The following HS3ST5 variants were observed in gnomAD, a reference collection of about 807,000 sequenced individuals.
HS3ST5 encodes heparan sulfate glucosamine 3-O-sulfotransferase 5.
HS3ST5 carries 10 observed loss-of-function variants against 25.4 expected under a neutral mutation model. That is an observed-to-expected ratio of 0.39 (90% CI 0.24 to 0.67). The LOEUF is 0.67. Ranked by LOEUF, HS3ST5 falls within the 30% of genes least tolerant of loss-of-function variation. HS3ST5 has a pLI of 0.44. For missense variants in HS3ST5, 324 were observed against 420.7 expected, an observed-to-expected ratio of 0.77 and a Z score of 2.01; for synonymous variants, 170 against 162.4, an observed-to-expected ratio of 1.05 and a Z score of -0.36.
chr6:114,132,092 T>A (rs923843733), intron 3 of HS3ST5: 1 of 152,158 alleles, frequency 6.6e-6, no homozygotes, highest in Non-Finnish European at 1.5e-5. Flanking sequence ...TATATCATAG[T>A]TGAGAGGTTC....
At chr6:114,144,949 G>C (rs1045854974) in intron 3 of HS3ST5, among the ~76,000 whole-genome samples, 1 of 152,120 alleles carries the variant, frequency 6.6e-6, no homozygotes, top group East Asian at 1.9e-4. Context: ...GGGAGCCTTG[G>C]CCGGGTAGTG....
chr6:114,110,801 G>A (rs1776228518), intron 3 of HS3ST5, among the ~76,000 whole-genome samples: 1 of 152,128 alleles, frequency 6.6e-6, no homozygotes, highest in South Asian at 2.1e-4. Flanking sequence ...ACTTGTTTTT[G>A]CATATTCTAT....
chr6:114,261,335 T>C (rs1773162322), intron 1 of HS3ST5, among the ~76,000 whole-genome samples: 1 of 152,070 alleles, frequency 6.6e-6, no homozygotes, highest in Non-Finnish European at 1.5e-5. Context: ...GTTGAGGGAT[T>C]GGGTACAATC....
chr6:114,341,892 A>G (rs1035782305), intron 1 of HS3ST5, among the ~76,000 whole-genome samples: 1 of 152,110 alleles, frequency 6.6e-6, no homozygotes, highest in African/African-American at 2.4e-5. Flanking sequence ...AGCGCTACCC[A>G]GCGCTCTGGG....
intron 3 of HS3ST5, among the ~76,000 whole-genome samples, chr6:114,157,285 C>A (rs1479002537): frequency 6.6e-6 from 1 of 152,222 alleles, no homozygotes; most frequent in Non-Finnish European, 1.5e-5. Context: ...AGCCTCTTAA[C>A]TGGTCTTCCT....
At chr6:114,138,646 T>A (rs1777755277) in intron 3 of HS3ST5, among the ~76,000 whole-genome samples, 1 of 152,172 alleles carries the variant, frequency 6.6e-6, no homozygotes, top group Admixed American at 6.5e-5. Context: ...TCTACGTGGC[T>A]CCCCTGGTAA....
At chr6:114,297,916 T>G (rs1191678624) in intron 1 of HS3ST5, among the ~76,000 whole-genome samples, 1 of 152,236 alleles carries the variant, frequency 6.6e-6, no homozygotes, top group African/African-American at 2.4e-5. Context: ...ACATTAATTT[T>G]TCTATGAATT....
intron 2 of HS3ST5, among the ~76,000 whole-genome samples, chr6:114,179,510 G>A (rs1779866513): frequency 6.6e-6 from 1 of 152,056 alleles, no homozygotes; most frequent in African/African-American, 2.4e-5. Context: ...ACTTGTAGAA[G>A]GAAGTTAACC....
intron 1 of HS3ST5, among the ~76,000 whole-genome samples, chr6:114,271,698 A>G (rs1395437258): frequency 7.2e-5 from 11 of 152,128 alleles, no homozygotes; most frequent in African/African-American, 2.7e-4. Context: ...AATTCATTCA[A>G]TATGACATCC....
chr6:114,129,144 AT>A (rs1777200942), intron 3 of HS3ST5, among the ~76,000 whole-genome samples: 1 of 151,966 alleles, frequency 6.6e-6, no homozygotes, highest in South Asian at 2.1e-4. Context: ...CTCTTAGTAA[AT>A]GTTAATTAAC....
At chr6:114,265,999 A>G (rs909081622) in intron 1 of HS3ST5, among the ~76,000 whole-genome samples, 2 of 152,138 alleles carry the variant, frequency 1.3e-5, no homozygotes, top group Non-Finnish European at 2.9e-5. Flanking sequence ...AACCTCAGAA[A>G]TTGATCTTAT....
intron 1 of HS3ST5, among the ~76,000 whole-genome samples, chr6:114,320,920 A>G (rs565870534): frequency 1.8e-5 from 2 of 112,784 alleles, no homozygotes; most frequent in Admixed American, 1.6e-4. Flanking sequence ...CTCTCTATAT[A>G]TATATATATA....
At chr6:114,092,512 G>A (rs1752272811) in intron 3 of HS3ST5, among the ~76,000 whole-genome samples, 1 of 152,136 alleles carries the variant, frequency 6.6e-6, no homozygotes, top group South Asian at 2.1e-4. Flanking sequence ...GATCACAAGA[G>A]GTTAGAGAAA....
intron 3 of HS3ST5, among the ~76,000 whole-genome samples, chr6:114,157,252 C>T (rs983643117): frequency 1.3e-5 from 2 of 152,292 alleles, no homozygotes; most frequent in Admixed American, 6.5e-5. Flanking sequence ...ACCAGTGTAA[C>T]CTTCTACTCT....
At chr6:114,068,108 A>T (rs1461214612) in intron 3 of HS3ST5, among the ~76,000 whole-genome samples, 2 of 152,324 alleles carry the variant, frequency 1.3e-5, no homozygotes, top group East Asian at 3.9e-4. Context: ...TAAACAGTAT[A>T]CGGAATTATG....
At chr6:114,229,963 A>C (rs1771497952) in intron 1 of HS3ST5, among the ~76,000 whole-genome samples, 1 of 152,144 alleles carries the variant, frequency 6.6e-6, no homozygotes, top group South Asian at 2.1e-4. Flanking sequence ...TTTCTTGCTG[A>C]TAGAGGCATT....
chr6:114,085,423 A>T (rs1486604260), intron 3 of HS3ST5, among the ~76,000 whole-genome samples: 2 of 152,216 alleles, frequency 1.3e-5, no homozygotes, highest in Non-Finnish European at 2.9e-5. Context: ...TGGGATTATG[A>T]ATCCTCAGAG....
At chr6:114,228,810 A>AC (rs1427948552) in intron 1 of HS3ST5, 32 bp from the exon 2 acceptor site, 1 of 152,188 alleles carries the variant, frequency 6.6e-6, no homozygotes, top group Non-Finnish European at 1.5e-5. Flanking sequence ...GTGGTCGGTC[A>AC]CCTGTAATTC....
At chr6:114,232,656 G>A (rs1771653877) in intron 1 of HS3ST5, among the ~76,000 whole-genome samples, 1 of 152,154 alleles carries the variant, frequency 6.6e-6, no homozygotes, top group Non-Finnish European at 1.5e-5. Flanking sequence ...AGTTGAATGA[G>A]CCAAAATCCC....
Sources: gnomAD v4.1 joint callset for allele counts (sites outside exome capture counted in the v4.1 genomes callset) on GRCh38, gnomAD v4.1.1 for gene constraint, MANE v1.5 for transcripts, NCBI Gene and HGNC (gene_info 2026-07-23, HGNC 2026-07-21) for gene names.